SDK1: variants seen among roughly 807,000 people sequenced by gnomAD.
SDK1 encodes protein sidekick-1.
SDK1 carries 157 observed loss-of-function variants against 245.5 expected under a neutral mutation model. The observed-to-expected ratio is 0.64, with a 90% CI of 0.56 to 0.73. The LOEUF (loss-of-function observed/expected upper bound fraction) is 0.73, where lower values mean the gene tolerates loss of function less well. Among genes scored for constraint, SDK1 ranks in the 30% least tolerant of loss-of-function variants. The probability of loss-of-function intolerance (pLI) is 0.00; values close to 1 mark genes in which losing one functional copy is unlikely to be tolerated. For missense variants in SDK1, 3,583 were observed against 3,002.3 expected, an observed-to-expected ratio of 1.19 and a Z score of -4.52; for synonymous variants, 1,647 against 1,278.5, an observed-to-expected ratio of 1.29 and a Z score of -6.15.
intron 25 of SDK1, among the ~76,000 whole-genome samples, chr7:4,116,232 C>T (rs1366545184): frequency 1.3e-5 from 2 of 152,152 alleles, no homozygotes; most frequent in Admixed American, 6.5e-5. Context: ...GAGCCCTGGG[C>T]GGTGCCACCC....
intron 5 of SDK1, among the ~76,000 whole-genome samples, chr7:3,837,978 C>A (rs995846403): frequency 6.6e-6 from 1 of 152,128 alleles, no homozygotes; most frequent in African/African-American, 2.4e-5. Flanking sequence ...CTTGGACTCC[C>A]AGGTCCCCTT....
intron 1 of SDK1, among the ~76,000 whole-genome samples, chr7:3,540,481 C>T (rs1779023201): frequency 6.6e-6 from 1 of 152,102 alleles, no homozygotes; most frequent in African/African-American, 2.4e-5. Flanking sequence ...AATAATCCTT[C>T]AACAAGACTG....
At chr7:3,442,666 T>C (rs1780229029) in intron 1 of SDK1, among the ~76,000 whole-genome samples, 1 of 152,216 alleles carries the variant, frequency 6.6e-6, no homozygotes, top group African/African-American at 2.4e-5. Context: ...TGGAAAATTA[T>C]TATAGTAACA....
chr7:3,493,460 G>A (rs973145570), intron 1 of SDK1, among the ~76,000 whole-genome samples: 7 of 152,148 alleles, frequency 4.6e-5, no homozygotes, highest in African/African-American at 1.7e-4. Context: ...ATTACTTCTA[G>A]TGTGGTGTGC....
intron 4 of SDK1, among the ~76,000 whole-genome samples, chr7:3,787,954 G>C (rs989886011): frequency 2.6e-5 from 4 of 152,216 alleles, no homozygotes; most frequent in African/African-American, 9.6e-5. Context: ...GAAGAGAAAG[G>C]AACTGAATAG....
At chr7:3,645,107 C>T (rs1409989118) in intron 4 of SDK1, among the ~76,000 whole-genome samples, 2 of 152,104 alleles carry the variant, frequency 1.3e-5, no homozygotes, top group Non-Finnish European at 2.9e-5. Flanking sequence ...CACTTATTCA[C>T]GAGTATGACA....
At chr7:3,655,301 C>T (rs979053252) in intron 4 of SDK1, among the ~76,000 whole-genome samples, 2 of 150,550 alleles carry the variant, frequency 1.3e-5, no homozygotes, top group Admixed American at 6.6e-5. Context: ...GACGTGGTGG[C>T]GGGTGCTTGT....
chr7:3,666,076 A>C lies in SDK1; in HGVS notation c.713+23971A>C, dbSNP rs1486767882. On this transcript the variant is annotated intron_variant, in intron 4 of 44. Transcript: ENST00000404826. Reference sequence around the variant, plus strand: ...AGATTCCTGCAGGAAATCTCAGCTGATCTCCAAGTATCCAGCTTTGTCCTT... The same window carrying C: ...AGATTCCTGCAGGAAATCTCAGCTGCTCTCCAAGTATCCAGCTTTGTCCTT... Among the ~76,000 whole-genome samples the C allele has an allele frequency of 5.1e-4, 78 of 151,984 alleles. 1 individual carries two copies. Among genetic ancestry groups the C allele is most frequent in the Non-Finnish European group, 4.4e-5 (3 of 67,996 alleles).
At chr7:4,096,551 C>T (rs894399979) in intron 22 of SDK1, among the ~76,000 whole-genome samples, 1 of 152,186 alleles carries the variant, frequency 6.6e-6, no homozygotes, top group South Asian at 2.1e-4. Flanking sequence ...ACCAGAAGTT[C>T]ATTTAACGCT....
At chr7:3,664,902 GAA>G (rs1329172000) in intron 4 of SDK1, among the ~76,000 whole-genome samples, 5 of 152,154 alleles carry the variant, frequency 3.3e-5, no homozygotes, top group Non-Finnish European at 7.4e-5. Flanking sequence ...TATCTTATTT[GAA>G]AAATGGCAAT....
At position 3,654,349 on chromosome 7, in the gene SDK1, A is replaced by G. The variant is rs192411183; in HGVS notation, c.713+12244A>G. On this transcript the variant is annotated intron_variant, in intron 4 of 44. Transcript: ENST00000404826. ...AGATGGAAAGCGCCACATTGCTTTC[A>G]TGAATAGTCTGCAGACTGCTGATGA... Among the ~76,000 whole-genome samples, 4 of 152,318 alleles carry G rather than the reference A, an allele frequency of 2.6e-5. No homozygotes were observed. The East Asian group carries it at 7.7e-4, about 29-fold the overall frequency.
chr7:3,594,824 A>G (rs1781001014), intron 1 of SDK1, among the ~76,000 whole-genome samples: 1 of 152,212 alleles, frequency 6.6e-6, no homozygotes, highest in Non-Finnish European at 1.5e-5. Flanking sequence ...TTAGAGGGGC[A>G]AGAGTGAGGA....
chr7:4,136,206 T>C (rs1779079755), intron 28 of SDK1, among the ~76,000 whole-genome samples: 1 of 152,214 alleles, frequency 6.6e-6, no homozygotes, highest in South Asian at 2.1e-4. Context: ...CATGCAGCAT[T>C]GGCTTGTAAT....
intron 13 of SDK1, among the ~76,000 whole-genome samples, chr7:3,982,777 T>G (rs947484952): frequency 6.6e-6 from 1 of 151,968 alleles, no homozygotes; most frequent in African/African-American, 2.4e-5. Context: ...GAGGCGGAGC[T>G]TGCAGTGAGC....
At chr7:3,701,721 A>G (rs1217681646) in intron 4 of SDK1, among the ~76,000 whole-genome samples, 1 of 152,206 alleles carries the variant, frequency 6.6e-6, no homozygotes, top group African/African-American at 2.4e-5. Context: ...TTCAATCTGA[A>G]TTCTTACAAT....
intron 5 of SDK1, among the ~76,000 whole-genome samples, chr7:3,831,501 C>T (rs1000114618): frequency 6.6e-6 from 1 of 152,170 alleles, no homozygotes; most frequent in Non-Finnish European, 1.5e-5. Flanking sequence ...CATATCTCCT[C>T]TTTCAGAAAA....
At chr7:3,536,100 AGGCTGGAGTGCAGTGGTGCGATCTC>A (rs1778877966) in intron 1 of SDK1, among the ~76,000 whole-genome samples, 1 of 150,928 alleles carries the variant, frequency 6.6e-6, no homozygotes, top group African/African-American at 2.4e-5. Context: ...TCTGTCGCCC[AGGCTGGAGTGCAGTGGTGCGATCTC>A]GGCTCACTGC....
intron 4 of SDK1, among the ~76,000 whole-genome samples, chr7:3,694,948 C>G (rs1007225033): frequency 1.8e-4 from 27 of 152,286 alleles, no homozygotes; most frequent in African/African-American, 6.5e-4. Context: ...AGAATTTCTT[C>G]AAGTGTCTTC....
intron 2 of SDK1, among the ~76,000 whole-genome samples, chr7:3,622,638 C>A (rs1237353859): frequency 6.6e-6 from 1 of 152,166 alleles, no homozygotes; most frequent in African/African-American, 2.4e-5. Flanking sequence ...TTCTTAAGAG[C>A]CCTTGCATAT....
Sources: gnomAD v4.1 joint callset for allele counts (sites outside exome capture counted in the v4.1 genomes callset) on GRCh38, gnomAD v4.1.1 for gene constraint, MANE v1.5 for transcripts, NCBI Gene and HGNC (gene_info 2026-07-23, HGNC 2026-07-21) for gene names.